BBS9: variants seen among roughly 807,000 people sequenced by gnomAD.
The protein encoded by BBS9 is Bardet-Biedl syndrome 9.
Under a neutral mutation model 117.7 loss-of-function variants are expected in BBS9, and 89 were observed. The observed-to-expected ratio is 0.76, with a 90% confidence interval of 0.64 to 0.90. The LOEUF (loss-of-function observed/expected upper bound fraction) is 0.90. BBS9 is among the 40% of genes least tolerant of loss of function. The pLI is 0.00. For missense variants in BBS9, 982 were observed against 1,042.2 expected (o/e 0.94, Z 0.80); for synonymous variants, 379 against 370.9 (o/e 1.02, Z -0.25).
chr7:33,477,453 C>G (rs55670633), intron 19 of BBS9, among the ~76,000 whole-genome samples: 8,533 of 152,210 alleles, frequency 0.056, 422 homozygotes, highest in African/African-American at 0.13. Flanking sequence ...CTGGCTACTT[C>G]AAAGCATACA....
At chr7:33,631,626 A>G (rs1451115946) in intron 21 of BBS9, among the ~76,000 whole-genome samples, 2 of 152,204 alleles carry the variant, frequency 1.3e-5, no homozygotes, top group African/African-American at 2.4e-5. Context: ...AGGCCCTCCC[A>G]GTGGTGGCCC....
chr7:33,504,600 T>C (rs560513324), intron 19 of BBS9, among the ~76,000 whole-genome samples: 2 of 152,292 alleles, frequency 1.3e-5, no homozygotes, highest in East Asian at 3.9e-4. Flanking sequence ...GCTAATGCTG[T>C]TCTGGGGACT....
intron 21 of BBS9, among the ~76,000 whole-genome samples, chr7:33,597,069 TCA>T (rs58511454): frequency 0.2 from 27,968 of 138,502 alleles, 2,665 homozygotes; most frequent in Middle Eastern, 0.24. Context: ...TCTCTCTCTG[TCA>T]CACACACACA....
chr7:33,507,995 T>A (rs141205347), intron 20 of BBS9, among the ~76,000 whole-genome samples: 1 of 152,370 alleles, frequency 6.6e-6, no homozygotes, highest in East Asian at 1.9e-4. Flanking sequence ...ATTTTACCAT[T>A]GGTCTTTGTA....
At chr7:33,238,869 C>T (rs532444791) in intron 5 of BBS9, among the ~76,000 whole-genome samples, 7 of 151,988 alleles carry the variant, frequency 4.6e-5, no homozygotes, top group South Asian at 2.1e-4. Context: ...TCTAAATGGT[C>T]GTAAAGAATT....
intron 21 of BBS9, among the ~76,000 whole-genome samples, chr7:33,561,078 T>C (rs1026728147): frequency 1.3e-5 from 2 of 152,204 alleles, no homozygotes; most frequent in Non-Finnish European, 2.9e-5. Flanking sequence ...CTGCAACAAC[T>C]ATTAGGGACT....
chr7:33,493,406 C>G (rs1358539206), intron 19 of BBS9, among the ~76,000 whole-genome samples: 1 of 152,160 alleles, frequency 6.6e-6, no homozygotes. Flanking sequence ...TAGTCACACA[C>G]AAATCTGAAA....
chr7:33,502,256 G>T lies in BBS9; in HGVS notation c.2116-3207G>T, dbSNP rs868004881. Among the ~76,000 whole-genome samples the T allele has an allele frequency of 7.2e-5, 11 of 152,188 alleles. No homozygotes were observed. The East Asian group carries it at 1.4e-3, about 19-fold the overall frequency. On this transcript the variant is annotated intron_variant, in intron 19 of 22. Coordinates refer to ENST00000242067, the MANE Select transcript of BBS9 (RefSeq NM_198428.3). ...ATTTCAGATACCTCTTCTCATTGGT[G>T]TGCTAGTAAATAGCTCTCTGGGGAA...
At chr7:33,453,841 G>T (rs777342201) in intron 19 of BBS9, among the ~76,000 whole-genome samples, 17 of 152,036 alleles carry the variant, frequency 1.1e-4, no homozygotes, top group Non-Finnish European at 1.8e-4. Flanking sequence ...CTTTTCTTTA[G>T]CTTTATTGTA....
At chr7:33,351,723 G>T (rs1818684534) in intron 14 of BBS9, among the ~76,000 whole-genome samples, 1 of 152,146 alleles carries the variant, frequency 6.6e-6, no homozygotes, top group South Asian at 2.1e-4. Context: ...AGTGAGTGAG[G>T]AGGGTGGAAT....
intron 2 of BBS9, among the ~76,000 whole-genome samples, chr7:33,146,704 A>C (rs1473286220): frequency 6.7e-6 from 1 of 149,886 alleles, no homozygotes; most frequent in Admixed American, 6.7e-5. Context: ...ATCTCAAAAA[A>C]AAAAAAAAAA....
At chr7:33,220,581 C>T (rs1037827355) in intron 5 of BBS9, among the ~76,000 whole-genome samples, 1 of 152,154 alleles carries the variant, frequency 6.6e-6, no homozygotes, top group African/African-American at 2.4e-5. Flanking sequence ...TTTGAGCACG[C>T]TTATGTTTAT....
intron 5 of BBS9, among the ~76,000 whole-genome samples, chr7:33,255,966 G>A (rs1796984748): frequency 6.6e-6 from 1 of 151,830 alleles, no homozygotes; most frequent in Admixed American, 6.6e-5. Flanking sequence ...GACCATCCTG[G>A]CCAACATGGT....
chr7:33,357,683 A>G (rs1040746669), intron 15 of BBS9, 172 bp from the exon 16 acceptor site: 8 of 734,706 alleles, frequency 1.1e-5, no homozygotes, highest in Non-Finnish European at 1.9e-5. Context: ...TGAAAATAGT[A>G]ATGAAATATG....
chr7:33,249,825 T>A (rs1237356371), intron 5 of BBS9, among the ~76,000 whole-genome samples: 1 of 152,220 alleles, frequency 6.6e-6, no homozygotes, highest in African/African-American at 2.4e-5. Flanking sequence ...TGAAACATGA[T>A]CCATTGCACT....
intron 5 of BBS9, among the ~76,000 whole-genome samples, chr7:33,215,673 C>T (rs181544187): frequency 1.2e-4 from 19 of 152,126 alleles, no homozygotes; most frequent in Admixed American, 1.2e-3. Flanking sequence ...ATTATTCAGC[C>T]ATAAAAATGA....
chr7:33,163,614 G>A (rs533912361), intron 4 of BBS9, among the ~76,000 whole-genome samples: 3 of 152,208 alleles, frequency 2.0e-5, no homozygotes, highest in Admixed American at 2.0e-4. Flanking sequence ...TAGTTTTTTT[G>A]CATAGAGGTG....
In BBS9 at chr7:33,518,395, C is replaced by T. The variant is rs971424577; in HGVS notation, c.2298+12750C>T. On this transcript the variant is annotated intron_variant, in intron 20 of 22. Transcript: ENST00000242067. Reference sequence around the variant, plus strand: ...CCTCCCGAGTAGCTGGGATTACAGGCGTGCGCCACTACGCCCAGCTAATTT... The same window carrying T: ...CCTCCCGAGTAGCTGGGATTACAGGTGTGCGCCACTACGCCCAGCTAATTT... 4.6e-5 allele frequency among the ~76,000 whole-genome samples: 7 copies of T among 151,822 alleles called. No individual in the cohort carries two copies. In the East Asian group the frequency reaches 5.8e-4, roughly 13 times the overall value.
intron 20 of BBS9, among the ~76,000 whole-genome samples, chr7:33,530,493 C>A (rs1850409147): frequency 6.6e-6 from 1 of 152,100 alleles, no homozygotes; most frequent in Admixed American, 6.5e-5. Flanking sequence ...CATACAAATG[C>A]CAAATTATAT....
Sources: allele counts gnomAD v4.1 joint callset (sites outside exome capture counted in the v4.1 genomes callset), GRCh38; gene constraint gnomAD v4.1.1; transcripts MANE v1.5; gene names NCBI Gene and HGNC (gene_info 2026-07-23, HGNC 2026-07-21).